Variants in IL1RAPL2 observed in about 807,000 individuals in gnomAD.
The protein encoded by IL1RAPL2 is interleukin 1 receptor accessory protein like 2, also known as X-linked interleukin-1 receptor accessory protein-like 2.
In IL1RAPL2, 3 loss-of-function variants were observed where a neutral mutation model predicts 44.1. The ratio of observed to expected loss-of-function variants is 0.07; its 90% CI spans 0.03 to 0.18. The LOEUF (loss-of-function observed/expected upper bound fraction) is 0.18, where lower values mean the gene tolerates loss of function less well. Among genes scored for constraint, IL1RAPL2 ranks in the 10% least tolerant of loss-of-function variants. IL1RAPL2 has a pLI of 1.00. For synonymous variants in IL1RAPL2, 181 were observed against 178.8 expected (o/e 1.01, Z -0.10); for missense variants, 391 against 496.4 (o/e 0.79, Z 2.02).
intron 9 of IL1RAPL2, among the ~76,000 whole-genome samples, chrX:105,753,601 A>T (rs1228454287): frequency 9.0e-6 from 1 of 111,062 alleles, no homozygotes; most frequent in Non-Finnish European, 1.9e-5. Context: ...AGGTTCTTAC[A>T]TTAGCATTGC....
intron 1 of IL1RAPL2, among the ~76,000 whole-genome samples, chrX:104,597,918 A>G (rs1444161102): frequency 8.9e-6 from 1 of 111,981 alleles, no homozygotes; most frequent in Non-Finnish European, 1.9e-5. Flanking sequence ...ACCATTTTTC[A>G]TAGTAATCTT....
At chrX:105,411,945 C>T (rs2035699074) in intron 5 of IL1RAPL2, among the ~76,000 whole-genome samples, 1 of 111,652 alleles carries the variant, frequency 9.0e-6, no homozygotes, top group South Asian at 3.7e-4. Context: ...AAAAAGAGCA[C>T]ATCAAGTATC....
At chrX:104,634,642 T>C (rs1929749202) in intron 1 of IL1RAPL2, among the ~76,000 whole-genome samples, 1 of 111,580 alleles carries the variant, frequency 9.0e-6, no homozygotes, top group Non-Finnish European at 1.9e-5. Context: ...TTAAAGTTTG[T>C]TTTATCAGAG....
At chrX:105,234,071 G>T (rs2034097766) in intron 4 of IL1RAPL2, 67 bp downstream of exon 4, 5 of 917,635 alleles carry the variant, frequency 5.4e-6, no homozygotes, top group Non-Finnish European at 7.4e-6. Flanking sequence ...ATGAGGAAAG[G>T]GAGATTTTTT....
intron 2 of IL1RAPL2, among the ~76,000 whole-genome samples, chrX:104,998,186 G>A (rs929133730): frequency 3.6e-5 from 4 of 111,680 alleles, no homozygotes; most frequent in Admixed American, 2.9e-4. Flanking sequence ...AGTATAGAAA[G>A]TGTTACTTTA....
chrX:105,250,168 G>C (rs1386630972), intron 4 of IL1RAPL2, among the ~76,000 whole-genome samples: 3 of 111,104 alleles, frequency 2.7e-5, no homozygotes, highest in African/African-American at 9.8e-5. Context: ...ACTATAGAGA[G>C]AATAAAAAGA....
intron 7 of IL1RAPL2, among the ~76,000 whole-genome samples, chrX:105,727,555 A>C (rs2038362208): frequency 9.0e-6 from 1 of 111,619 alleles, no homozygotes; most frequent in Admixed American, 9.6e-5. Context: ...GATATTGAAG[A>C]GTATAAACTC....
chrX:105,442,527 T>G (rs2035927871), intron 5 of IL1RAPL2, among the ~76,000 whole-genome samples: 1 of 112,205 alleles, frequency 8.9e-6, no homozygotes, highest in South Asian at 3.7e-4. Flanking sequence ...CCAAACTTTG[T>G]GGCACGTTTT....
chrX:104,969,012 T>TGTGTGC (rs1569353221), intron 2 of IL1RAPL2, among the ~76,000 whole-genome samples: 1 of 108,173 alleles, frequency 9.2e-6, no homozygotes, highest in Non-Finnish European at 1.9e-5. Flanking sequence ...TGTGTGTGTG[T>TGTGTGC]GTGTGTGTGT....
intron 6 of IL1RAPL2, among the ~76,000 whole-genome samples, chrX:105,508,085 G>A (rs2036443897): frequency 9.0e-6 from 1 of 111,474 alleles, no homozygotes; most frequent in Non-Finnish European, 1.9e-5. Context: ...GCAATGTATA[G>A]CTGCCTAAAA....
chrX:104,625,521 C>A (rs1929487019), intron 1 of IL1RAPL2, among the ~76,000 whole-genome samples: 1 of 111,089 alleles, frequency 9.0e-6, no homozygotes, highest in South Asian at 3.7e-4. Flanking sequence ...ATGCTTATAT[C>A]TCCATTTGTT....
chrX:104,827,340 C>A (rs1488188027), intron 2 of IL1RAPL2, among the ~76,000 whole-genome samples: 1 of 111,108 alleles, frequency 9.0e-6, no homozygotes, highest in Non-Finnish European at 1.9e-5. Flanking sequence ...AATCCCTCAG[C>A]AATTGCTTGT....
At chrX:105,171,676 C>T (rs1434581331) in intron 2 of IL1RAPL2, among the ~76,000 whole-genome samples, 4 of 97,034 alleles carry the variant, frequency 4.1e-5, no homozygotes, top group East Asian at 6.3e-4. Flanking sequence ...AAACTCAGTA[C>T]GGACTCAAAT....
chrX:105,589,203 T>A (rs2037150733), intron 6 of IL1RAPL2, among the ~76,000 whole-genome samples: 1 of 112,293 alleles, frequency 8.9e-6, no homozygotes, highest in Non-Finnish European at 1.9e-5. Flanking sequence ...AAGTATCTGT[T>A]CATGTCCTTT....
At chrX:105,203,716 T>G (rs112656645) in intron 3 of IL1RAPL2, among the ~76,000 whole-genome samples, 1 of 111,810 alleles carries the variant, frequency 8.9e-6, no homozygotes. Context: ...TAATGTCATG[T>G]GGCATAGTTG....
At position 104,949,227 on chromosome X, in the gene IL1RAPL2, T is replaced by C. The variant is rs752055913; in HGVS notation, c.83-246248T>C. On this transcript the variant is annotated intron_variant, in intron 2 of 10. Coordinates refer to ENST00000372582, the MANE Select transcript of IL1RAPL2 (RefSeq NM_017416.2). ...GCGTAGAGGTGTTTGTAGTATTCTC[T>C]GATGGTAGTTTGTATTTCTGTGGGA... is the stretch of plus-strand genomic sequence containing the variant. 1.2e-4 allele frequency among the ~76,000 whole-genome samples: 13 copies of C among 109,556 alleles called. No individual in the cohort carries two copies. The East Asian group carries it at 2.3e-3, about 20-fold the overall frequency.
intron 5 of IL1RAPL2, among the ~76,000 whole-genome samples, chrX:105,337,915 A>AC (rs2035041682): frequency 9.1e-6 from 1 of 110,085 alleles, no homozygotes; most frequent in African/African-American, 3.4e-5. Context: ...ACACACACAC[A>AC]AACTTGATAA....
chrX:104,573,639 C>G (rs1157489844), intron 1 of IL1RAPL2, among the ~76,000 whole-genome samples: 1 of 111,924 alleles, frequency 8.9e-6, no homozygotes, highest in Non-Finnish European at 1.9e-5. Context: ...TATGTCATAT[C>G]AAACACCAGA....
chrX:104,862,509 G>T (rs1387934222), intron 2 of IL1RAPL2, among the ~76,000 whole-genome samples: 1 of 110,164 alleles, frequency 9.1e-6, no homozygotes, highest in Non-Finnish European at 1.9e-5. Context: ...AAGACCATGT[G>T]AAAACATAGG....
Sources: gnomAD v4.1 joint callset for allele counts (sites outside exome capture counted in the v4.1 genomes callset) on GRCh38, gnomAD v4.1.1 for gene constraint, MANE v1.5 for transcripts, NCBI Gene and HGNC (gene_info 2026-07-23, HGNC 2026-07-21) for gene names.